CEP89: variants seen among roughly 807,000 people sequenced by gnomAD.
The protein encoded by CEP89 is centrosomal protein of 89 kDa.
CEP89 carries 95 observed loss-of-function variants against 97.6 expected under a neutral mutation model. The ratio of observed to expected loss-of-function variants is 0.97; its 90% CI spans 0.82 to 1.15. The LOEUF (loss-of-function observed/expected upper bound fraction) is 1.15. Ranked by LOEUF, CEP89 falls within the 50% of genes most tolerant of loss-of-function variation. The pLI is 0.00. For missense variants in CEP89, 869 were observed against 947.7 expected (o/e 0.92, Z 1.09); for synonymous variants, 354 against 349.1 (o/e 1.01, Z -0.16).
chr19:32,966,109 T>TA, intron 2 of CEP89: 1 of 361,660 alleles, frequency 2.8e-6, no homozygotes, highest in Non-Finnish European at 4.9e-6. Flanking sequence ...CATTTTTTTT[T>TA]AAATACTCAT....
chr19:32,910,621 C>T (rs920334042), intron 14 of CEP89, among the ~76,000 whole-genome samples: 16 of 152,088 alleles, frequency 1.1e-4, no homozygotes, highest in African/African-American at 3.6e-4. Context: ...ACACATTGTA[C>T]AAATATTTTC....
intron 16 of CEP89, among the ~76,000 whole-genome samples, chr19:32,889,402 C>T (rs1390141580): frequency 6.6e-6 from 1 of 152,338 alleles, no homozygotes; most frequent in Admixed American, 6.5e-5. Context: ...AGCTCTCCCA[C>T]ACCCTACATT....
chr19:32,899,421 AC>A (rs1173236107), intron 16 of CEP89, among the ~76,000 whole-genome samples: 1 of 152,192 alleles, frequency 6.6e-6, no homozygotes, highest in African/African-American at 2.4e-5. Context: ...GGCACACAGC[AC>A]CATGCCAGGG....
intron 6 of CEP89, among the ~76,000 whole-genome samples, chr19:32,939,191 C>T (rs1255344809): frequency 1.3e-5 from 2 of 152,100 alleles, no homozygotes; most frequent in African/African-American, 4.8e-5. Context: ...ATTGAGGCTA[C>T]AGTGAGCTAT....
At chr19:32,943,918 A>T (rs1970740472) in intron 5 of CEP89, among the ~76,000 whole-genome samples, 1 of 152,038 alleles carries the variant, frequency 6.6e-6, no homozygotes, top group Non-Finnish European at 1.5e-5. Flanking sequence ...GGACACTACC[A>T]GCTTTGTGCT....
chr19:32,925,513 G>A (rs1159739812), intron 11 of CEP89, among the ~76,000 whole-genome samples: 4 of 134,574 alleles, frequency 3.0e-5, no homozygotes, highest in Admixed American at 7.8e-5. Flanking sequence ...TTTTCGAGAC[G>A]GAGTCTGGCC....
intron 4 of CEP89, among the ~76,000 whole-genome samples, chr19:32,952,684 G>A (rs1476060347): frequency 2.0e-5 from 3 of 151,636 alleles, no homozygotes; most frequent in Non-Finnish European, 2.9e-5. Flanking sequence ...CAGGCGGATC[G>A]CTTGAGGTCA....
chr19:32,902,515 C>T (rs1969802452), intron 14 of CEP89, among the ~76,000 whole-genome samples: 1 of 152,214 alleles, frequency 6.6e-6, no homozygotes, highest in Non-Finnish European at 1.5e-5. Flanking sequence ...ACCAGATTTA[C>T]TCCTCAGCTA....
intron 14 of CEP89, among the ~76,000 whole-genome samples, chr19:32,910,969 A>G (rs1230338657): frequency 6.6e-6 from 1 of 152,240 alleles, no homozygotes; most frequent in Admixed American, 6.5e-5. Flanking sequence ...AAATACATAA[A>G]CCAGTAACAC....
intron 14 of CEP89, among the ~76,000 whole-genome samples, chr19:32,901,995 T>C (rs1969783264): frequency 8.6e-6 from 1 of 115,840 alleles, no homozygotes; most frequent in South Asian, 3.2e-4. Context: ...TCTGTCTCTC[T>C]GTCTCTCTCT....
At chr19:32,919,738 C>T (rs1759324163) in intron 12 of CEP89, among the ~76,000 whole-genome samples, 1 of 152,182 alleles carries the variant, frequency 6.6e-6, no homozygotes. Context: ...AATCTTGGCC[C>T]ACTGCAACTT....
chr19:32,931,869 T>C (rs1022812398), intron 8 of CEP89, among the ~76,000 whole-genome samples: 2 of 152,160 alleles, frequency 1.3e-5, no homozygotes, highest in Admixed American at 1.3e-4. Context: ...TCAGATGACA[T>C]AAGAATATGT....
In CEP89 at chr19:32,935,996, T is replaced by C. The variant is rs868263045; in HGVS notation, c.667+1635A>G. ...CGGGGACAAGCGGGAGCCCTGCCCC[T>C]TCTGAGTTGGTGGGGCAGGAGCTCA... On this transcript the variant is annotated intron_variant, in intron 7 of 18. Transcript: ENST00000305768. Among the ~76,000 whole-genome samples the C allele has an allele frequency of 1.3e-4, 20 of 152,228 alleles. No individual in the cohort carries two copies. The South Asian group carries it at 4.1e-3, about 32-fold the overall frequency.
At chr19:32,953,591 GA>G in intron 4 of CEP89, 23 bp downstream of exon 4, 1 of 1,568,036 alleles carries the variant, frequency 6.4e-7, no homozygotes, top group Non-Finnish European at 8.7e-7. Context: ...ATGTCAAGAA[GA>G]AAACTGGGAA....
chr19:32,924,303 G>C lies in CEP89; in HGVS notation c.1165-761C>G, dbSNP rs113699010. ...TCACCACATCCAGCCAAGGCTCTTAGTTTTGTCCATGACAACCATGAGAAA... is the reference window on the plus strand; with the variant it reads ...TCACCACATCCAGCCAAGGCTCTTACTTTTGTCCATGACAACCATGAGAAA... On this transcript the variant is annotated intron_variant, in intron 11 of 18. Coordinates refer to ENST00000305768, the MANE Select transcript of CEP89 (RefSeq NM_032816.5). Among the ~76,000 whole-genome samples, 24 of 152,258 alleles carry C rather than the reference G, an allele frequency of 1.6e-4. 1 individual carries two copies. Among genetic ancestry groups the C allele is most frequent in the African/African-American group, 5.5e-4 (23 of 41,554 alleles).
chr19:32,892,882 T>G (rs1486363010), intron 16 of CEP89, among the ~76,000 whole-genome samples: 1 of 151,690 alleles, frequency 6.6e-6, no homozygotes, highest in Non-Finnish European at 1.5e-5. Flanking sequence ...ACACATGAAA[T>G]GATAAAACTA....
Position 32,971,879 on chromosome 19 carries a change from G to A in CEP89, c.-5C>T. ...TCTCCGAAATCCCAGGAGCATCCTT[G>A]CAGCGCGAGGAGAATGGACCGGGGC... is the stretch of plus-strand genomic sequence containing the variant. On this transcript the variant is annotated 5_prime_UTR_variant, in exon 1 of 19. Transcript: ENST00000305768. 3 of 1,587,180 alleles carry A rather than the reference G, an allele frequency of 1.9e-6. No individual in the cohort carries two copies. The highest frequency in any genetic ancestry group is 2.6e-6 in the Non-Finnish European group (3 of 1,165,426).
At chr19:32,918,367 T>G (rs1341767179) in intron 12 of CEP89, 28 bp from the exon 13 acceptor site, 1 of 1,531,252 alleles carries the variant, frequency 6.5e-7, no homozygotes, top group South Asian at 1.1e-5. Flanking sequence ...GATGAAATAC[T>G]GTGATTCAGG....
chr19:32,952,319 G>GA (rs11428227), intron 4 of CEP89, among the ~76,000 whole-genome samples: 69,013 of 131,236 alleles, frequency 0.53, 17,661 homozygotes, highest in Admixed American at 0.6. Flanking sequence ...TGGCCCTATA[G>GA]AAAAAAAAAA....
Sources: gnomAD v4.1 joint callset for allele counts (sites outside exome capture counted in the v4.1 genomes callset) on GRCh38, gnomAD v4.1.1 for gene constraint, MANE v1.5 for transcripts, NCBI Gene and HGNC (gene_info 2026-07-23, HGNC 2026-07-21) for gene names.